The following RBMS3 variants were observed in gnomAD, a reference collection of about 807,000 sequenced individuals.
The protein encoded by RBMS3 is RNA-binding motif, single-stranded-interacting protein 3.
RBMS3 carries 27 observed loss-of-function variants against 66.8 expected under a neutral mutation model. The ratio of observed to expected loss-of-function variants is 0.40; its 90% confidence interval spans 0.30 to 0.56. The LOEUF is 0.56. RBMS3 is among the 20% of genes least tolerant of loss of function. The pLI, the probability that RBMS3 is intolerant of heterozygous loss-of-function variation, is 0.40. For missense variants in RBMS3, 513 were observed against 549.5 expected (o/e 0.93, Z 0.66); for synonymous variants, 188 against 183.0 (o/e 1.03, Z -0.22).
chr3:29,290,015 C>T (rs2032689742), intron 1 of RBMS3, among the ~76,000 whole-genome samples: 1 of 151,648 alleles, frequency 6.6e-6, no homozygotes, highest in Non-Finnish European at 1.5e-5. Context: ...TGACTGATGA[C>T]AATTTAATGA....
At chr3:29,949,770 A>T (rs1046904024) in intron 12 of RBMS3, among the ~76,000 whole-genome samples, 1 of 151,416 alleles carries the variant, frequency 6.6e-6, no homozygotes, top group Non-Finnish European at 1.5e-5. Context: ...TAATATTTTC[A>T]TTATATATTG....
intron 9 of RBMS3, among the ~76,000 whole-genome samples, chr3:29,899,308 C>A (rs747604683): frequency 2.0e-5 from 3 of 151,730 alleles, no homozygotes; most frequent in Non-Finnish European, 2.9e-5. Context: ...GAAGTTACAA[C>A]TGATGACAGA....
intron 1 of RBMS3, among the ~76,000 whole-genome samples, chr3:29,287,447 A>ATT: frequency 6.6e-6 from 1 of 152,128 alleles, no homozygotes. Context: ...GAAAAGTATT[A>ATT]GGCAATAAGA....
chr3:29,574,338 T>G (rs1356962780), intron 3 of RBMS3, among the ~76,000 whole-genome samples: 1 of 152,192 alleles, frequency 6.6e-6, no homozygotes, highest in Non-Finnish European at 1.5e-5. Flanking sequence ...CCTTGCAGTT[T>G]TTGTCTTGAA....
At chr3:29,420,316 T>C (rs964299977) in intron 1 of RBMS3, among the ~76,000 whole-genome samples, 14 of 152,172 alleles carry the variant, frequency 9.2e-5, no homozygotes, top group Non-Finnish European at 7.3e-5. Context: ...CTTCTTCTTT[T>C]CCCCCAAGAT....
intron 14 of RBMS3, among the ~76,000 whole-genome samples, chr3:29,995,715 G>A (rs1699182867): frequency 6.6e-6 from 1 of 152,198 alleles, no homozygotes; most frequent in Admixed American, 6.5e-5. Context: ...ACAAGCAAGT[G>A]TTGAGAGATT....
chr3:29,314,003 C>T (rs991165232), intron 1 of RBMS3, among the ~76,000 whole-genome samples: 1 of 151,650 alleles, frequency 6.6e-6, no homozygotes, highest in African/African-American at 2.4e-5. Context: ...CTTCTGGTTG[C>T]TTGGGCATTG....
intron 1 of RBMS3, among the ~76,000 whole-genome samples, chr3:29,401,615 T>C (rs1248866115): frequency 6.6e-6 from 1 of 152,126 alleles, no homozygotes; most frequent in East Asian, 1.9e-4. Context: ...ATTTAAACAG[T>C]GCTAGTCGCT....
chr3:29,559,818 T>A (rs2046487891), intron 3 of RBMS3, among the ~76,000 whole-genome samples: 1 of 152,216 alleles, frequency 6.6e-6, no homozygotes, highest in Non-Finnish European at 1.5e-5. Context: ...ATATGTTTCC[T>A]AGTGGTGAAC....
chr3:29,559,171 T>C (rs545781029), intron 3 of RBMS3, among the ~76,000 whole-genome samples: 10 of 152,174 alleles, frequency 6.6e-5, no homozygotes, highest in African/African-American at 2.4e-4. Flanking sequence ...TAGTTAAATA[T>C]TTTCATCTTT....
chr3:29,724,127 C>G (rs945507005), intron 4 of RBMS3, among the ~76,000 whole-genome samples: 1 of 151,960 alleles, frequency 6.6e-6, no homozygotes, highest in African/African-American at 2.4e-5. Context: ...TTTCTTGATT[C>G]TCTTGCTAAT....
chr3:29,701,436 C>T (rs1038525545), intron 4 of RBMS3, among the ~76,000 whole-genome samples: 1 of 152,220 alleles, frequency 6.6e-6, no homozygotes, highest in Non-Finnish European at 1.5e-5. Flanking sequence ...AGCCCTCGCT[C>T]GCCCTCGGTG....
chr3:29,776,390 G>T (rs1349428756), intron 6 of RBMS3, among the ~76,000 whole-genome samples: 1 of 151,744 alleles, frequency 6.6e-6, no homozygotes, highest in Non-Finnish European at 1.5e-5. Context: ...TAATTGTTCC[G>T]CACCCATTAA....
chr3:29,992,705 C>A (rs903774274), intron 14 of RBMS3, among the ~76,000 whole-genome samples: 1 of 151,990 alleles, frequency 6.6e-6, no homozygotes, highest in African/African-American at 2.4e-5. Context: ...AGCCAACAAG[C>A]CGAGTGAGGG....
intron 6 of RBMS3, among the ~76,000 whole-genome samples, chr3:29,802,291 C>T (rs1163565986): frequency 6.6e-6 from 1 of 152,156 alleles, no homozygotes; most frequent in Non-Finnish European, 1.5e-5. Context: ...GTCAATACCA[C>T]CAACCACAGC....
At chr3:29,454,470 C>T (rs2042116708) in intron 2 of RBMS3, among the ~76,000 whole-genome samples, 1 of 152,086 alleles carries the variant, frequency 6.6e-6, no homozygotes, top group African/African-American at 2.4e-5. Context: ...TTGAAGTATA[C>T]TACAATGGTG....
chr3:29,858,320 T>C (rs1299172586), intron 6 of RBMS3, among the ~76,000 whole-genome samples: 1 of 152,172 alleles, frequency 6.6e-6, no homozygotes, highest in Non-Finnish European at 1.5e-5. Flanking sequence ...TACATAGTAA[T>C]CTATAAATAT....
At chr3:29,794,312 C>T (rs2057107335) in intron 6 of RBMS3, among the ~76,000 whole-genome samples, 1 of 152,154 alleles carries the variant, frequency 6.6e-6, no homozygotes, top group Non-Finnish European at 1.5e-5. Context: ...GATGGCGGGG[C>T]ACGGTGGCTC....
intron 12 of RBMS3, among the ~76,000 whole-genome samples, chr3:29,964,988 G>C (rs1696731700): frequency 6.6e-6 from 1 of 152,006 alleles, no homozygotes; most frequent in South Asian, 2.1e-4. Flanking sequence ...TTCCATTCCT[G>C]AGTACCTCAC....
Sources: gnomAD v4.1 joint callset for allele counts (sites outside exome capture counted in the v4.1 genomes callset) on GRCh38, gnomAD v4.1.1 for gene constraint, MANE v1.5 for transcripts, NCBI Gene and HGNC (gene_info 2026-07-23, HGNC 2026-07-21) for gene names.